NTRK3: variants seen among roughly 807,000 people sequenced by gnomAD.
The protein encoded by NTRK3 is neurotrophic receptor tyrosine kinase 3.
Under a neutral mutation model 91.7 loss-of-function variants are expected in NTRK3, and 24 were observed. That is an observed-to-expected ratio of 0.26 (90% CI 0.19 to 0.37). NTRK3 has a LOEUF of 0.37. NTRK3 is among the 10% of genes least tolerant of loss of function. NTRK3 has a pLI of 1.00. For missense variants in NTRK3, 880 were observed against 1,068.9 expected (o/e 0.82, Z 2.46); for synonymous variants, 483 against 404.0 (o/e 1.20, Z -2.34).
chr15:88,104,879 G>T (rs1227594984), intron 13 of NTRK3, among the ~76,000 whole-genome samples: 1 of 152,212 alleles, frequency 6.6e-6, no homozygotes, highest in Non-Finnish European at 1.5e-5. Flanking sequence ...CTACTGCCCT[G>T]TCCTTTTATG....
rs146336644 is a variant in NTRK3, at chr15:88,046,619, G to A, written c.1397-13574C>T. Among the ~76,000 whole-genome samples the A allele has an allele frequency of 2.0e-4, 30 of 152,210 alleles. 1 individual carries two copies. The East Asian group carries it at 5.4e-3, about 28-fold the overall frequency. The stretch of plus-strand genomic sequence containing the variant: ...TACTTCATCCTTGTCCCACCCCAGA[G>A]GACTTGTCTAGCCTCCTGTTCCACA... On this transcript the variant is annotated intron_variant, in intron 13 of 18. Transcript: ENST00000394480.
At chr15:87,960,650 A>G (rs1425811773) in intron 14 of NTRK3, among the ~76,000 whole-genome samples, 1 of 151,968 alleles carries the variant, frequency 6.6e-6, no homozygotes, top group East Asian at 1.9e-4. Flanking sequence ...ACACCTGGCT[A>G]ATTTTTATAT....
chr15:88,044,942 G>A (rs757015961), intron 13 of NTRK3, among the ~76,000 whole-genome samples: 7 of 152,170 alleles, frequency 4.6e-5, no homozygotes, highest in Non-Finnish European at 1.0e-4. Context: ...CATGCCCTGC[G>A]GGACCACAGG....
intron 13 of NTRK3, among the ~76,000 whole-genome samples, chr15:88,061,143 G>T (rs947481450): frequency 3.3e-5 from 5 of 151,858 alleles, no homozygotes; most frequent in Non-Finnish European, 7.4e-5. Context: ...GTAATAACTT[G>T]TTTGCCAAGA....
intron 3 of NTRK3, among the ~76,000 whole-genome samples, chr15:88,220,431 T>A (rs1303309358): frequency 1.3e-5 from 2 of 152,114 alleles, no homozygotes; most frequent in Non-Finnish European, 2.9e-5. Flanking sequence ...CGCCATGGGC[T>A]TGCAGGTACA....
intron 17 of NTRK3, among the ~76,000 whole-genome samples, chr15:87,912,693 C>A (rs1008075463): frequency 6.6e-6 from 1 of 151,838 alleles, no homozygotes; most frequent in Non-Finnish European, 1.5e-5. Flanking sequence ...AAGATGACCT[C>A]CAACTTCATT....
At position 88,169,638 on chromosome 15, in the gene NTRK3, C is replaced by T. The variant is rs912039012; in HGVS notation, c.395+13780G>A. 2.0e-5 allele frequency among the ~76,000 whole-genome samples: 3 copies of T among 152,176 alleles called. No homozygotes were observed. The East Asian group carries it at 5.8e-4, about 29-fold the overall frequency. On this transcript the variant is annotated intron_variant, in intron 5 of 18. Coordinates refer to ENST00000394480, the Ensembl canonical transcript of NTRK3. ...AATCAAAGATTCCAACCCTTTAGTA[C>T]ACTGACTTTGGGGCCACAGGGAAGC...
At chr15:87,946,766 C>G (rs1394434926) in intron 14 of NTRK3, among the ~76,000 whole-genome samples, 2 of 152,084 alleles carry the variant, frequency 1.3e-5, no homozygotes, top group Non-Finnish European at 2.9e-5. Context: ...TGTTATCCCT[C>G]TGTGCCCTTA....
chr15:88,043,298 G>A (rs1345967607), intron 13 of NTRK3, among the ~76,000 whole-genome samples: 1 of 152,200 alleles, frequency 6.6e-6, no homozygotes, highest in Non-Finnish European at 1.5e-5. Context: ...AAGGTGACTG[G>A]AATACAAAAT....
At chr15:88,135,078 C>T (rs200734854) in intron 10 of NTRK3, 23 bp downstream of exon 10, 474 of 1,613,912 alleles carry the variant, frequency 2.9e-4, no homozygotes, top group Admixed American at 4.8e-4. Context: ...CATACACCTC[C>T]GATCCAGCTA....
intron 3 of NTRK3, among the ~76,000 whole-genome samples, chr15:88,202,330 C>G (rs2048375194): frequency 1.3e-5 from 2 of 152,332 alleles, no homozygotes; most frequent in South Asian, 4.1e-4. Flanking sequence ...CTCTCCTGGC[C>G]TTTCCCTTCA....
At chr15:88,201,285 T>G (rs1436755492) in intron 3 of NTRK3, among the ~76,000 whole-genome samples, 2 of 152,182 alleles carry the variant, frequency 1.3e-5, no homozygotes, top group African/African-American at 4.8e-5. Flanking sequence ...TTTATTCCTT[T>G]TCCTCACCAG....
At chr15:88,006,699 G>A (rs754559102) in intron 14 of NTRK3, among the ~76,000 whole-genome samples, 1 of 152,220 alleles carries the variant, frequency 6.6e-6, no homozygotes, top group African/African-American at 2.4e-5. Context: ...TCCGTAGCTT[G>A]AACACTGAGG....
intron 3 of NTRK3, among the ~76,000 whole-genome samples, chr15:88,231,726 G>A (rs1053247787): frequency 1.6e-4 from 24 of 152,076 alleles, no homozygotes; most frequent in Admixed American, 1.2e-3. Flanking sequence ...ACTCATGAGC[G>A]GTTTAAAGAG....
At chr15:88,207,976 C>T (rs1174325375) in intron 3 of NTRK3, among the ~76,000 whole-genome samples, 6 of 152,154 alleles carry the variant, frequency 3.9e-5, no homozygotes, top group Non-Finnish European at 5.9e-5. Flanking sequence ...AAACTTCCTA[C>T]GGTGTGTGGA....
intron 3 of NTRK3, among the ~76,000 whole-genome samples, chr15:88,188,770 A>G (rs1023617898): frequency 6.6e-6 from 1 of 152,164 alleles, no homozygotes; most frequent in Non-Finnish European, 1.5e-5. Flanking sequence ...GGCCTGCTGG[A>G]CCGTGGCCCA....
rs1353883167 is a variant in NTRK3 at position 88,243,994 on chromosome 15, C to G, written c.248+11912G>C. Among the ~76,000 whole-genome samples the G allele has an allele frequency of 6.6e-6, 1 of 152,158 alleles. No individual in the cohort carries two copies. The highest frequency in any genetic ancestry group is 2.4e-5 in the African/African-American group (1 of 41,428). On this transcript the variant is annotated intron_variant, in intron 3 of 18. Coordinates refer to ENST00000394480, the Ensembl canonical transcript of NTRK3. The surrounding 1 kb of genome is among the most constrained non-coding windows in gnomAD (Gnocchi z 4.8). ...ACCTCTGAAGCCAATATCCACTAAC[C>G]CTGACTCAGTCTGACCTGGCCTGGA... is the stretch of plus-strand genomic sequence containing the variant.
intron 14 of NTRK3, among the ~76,000 whole-genome samples, chr15:87,961,194 C>A (rs2072248450): frequency 6.6e-6 from 1 of 152,178 alleles, no homozygotes; most frequent in African/African-American, 2.4e-5. Flanking sequence ...CATATGGGTA[C>A]TTATCACAAT....
chr15:87,859,995 C>T (rs2064477974), exon 19 of NTRK3: 1 of 195,660 alleles, frequency 5.1e-6, no homozygotes, highest in African/African-American at 2.3e-5. Flanking sequence ...TATGTCCATA[C>T]ATACACACAC....
Sources: gnomAD v4.1 joint callset for allele counts (sites outside exome capture counted in the v4.1 genomes callset) on GRCh38, gnomAD v4.1.1 for gene constraint, Gnocchi (gnomAD v3.1) non-coding constraint, MANE v1.5 for transcripts, NCBI Gene and HGNC (gene_info 2026-07-23, HGNC 2026-07-21) for gene names.